Variants in ANXA1 observed in about 807,000 individuals in gnomAD.
ANXA1 encodes annexin A1, also known as annexin I (lipocortin I).
A neutral mutation model predicts 47.9 loss-of-function variants in ANXA1; 39 were observed. That is an observed-to-expected ratio of 0.81 (90% CI 0.63 to 1.06). The LOEUF (loss-of-function observed/expected upper bound fraction) is 1.06. ANXA1 is among the 50% of genes least tolerant of loss of function. The pLI is 0.00. For synonymous variants in ANXA1, 146 were observed against 142.5 expected, an observed-to-expected ratio of 1.02 and a Z score of -0.17; for missense variants, 446 against 422.7, an observed-to-expected ratio of 1.06 and a Z score of -0.48.
chr9:73,167,452 T>C (rs748458922), intron 10 of ANXA1, 45 bp from the exon 11 acceptor site: 10 of 1,571,242 alleles, frequency 6.4e-6, no homozygotes, highest in Non-Finnish European at 7.9e-6. Flanking sequence ...GATATTTCAT[T>C]TTTTTCATGG....
chr9:73,166,809 A>G (rs988327255), intron 10 of ANXA1, among the ~76,000 whole-genome samples: 4 of 152,112 alleles, frequency 2.6e-5, no homozygotes, highest in Non-Finnish European at 4.4e-5. Context: ...TTTTCTAACA[A>G]GCTCCCCATT....
chr9:73,156,815 T>C (rs1274704594), intron 1 of ANXA1, among the ~76,000 whole-genome samples: 1 of 152,164 alleles, frequency 6.6e-6, no homozygotes, highest in Non-Finnish European at 1.5e-5. Context: ...GAGTAGTCTC[T>C]AGAGGGGTGA....
At chr9:73,167,577 T>C in intron 11 of ANXA1, 22 bp downstream of exon 11, 1 of 1,599,746 alleles carries the variant, frequency 6.3e-7, no homozygotes, top group Non-Finnish European at 8.5e-7. Flanking sequence ...TCTACTTATA[T>C]GTCCTGCTTA....
chr9:73,162,882 G>T, intron 7 of ANXA1, 21 bp downstream of exon 7: 1 of 1,574,444 alleles, frequency 6.4e-7, no homozygotes, highest in Non-Finnish European at 8.7e-7. Flanking sequence ...GATACTTTAG[G>T]AAATGCCTCT....
At chr9:73,165,047 G>T (rs1328884952) in intron 8 of ANXA1, 69 bp from the exon 9 acceptor site, 2 of 1,255,866 alleles carry the variant, frequency 1.6e-6, no homozygotes, top group African/African-American at 3.0e-5. Flanking sequence ...TCTTTGACAA[G>T]GTCTAACATT....
chr9:73,168,624 G>C (rs1187097275), intron 11 of ANXA1: 1 of 155,788 alleles, frequency 6.4e-6, no homozygotes, highest in Admixed American at 6.3e-5. Flanking sequence ...GATATTGTAA[G>C]CCTTGAAAAA....
chr9:73,161,926 C>A (rs972966915), intron 6 of ANXA1, among the ~76,000 whole-genome samples: 1 of 151,958 alleles, frequency 6.6e-6, no homozygotes, highest in African/African-American at 2.4e-5. Flanking sequence ...ATATCTGAGA[C>A]CAAGTAATGT....
At chr9:73,154,421 T>TTTTTC (rs1235902368) in intron 1 of ANXA1, 138 of 1,223,546 alleles carry the variant, frequency 1.1e-4, no homozygotes, top group Non-Finnish European at 1.3e-4. Flanking sequence ...TTTCTTTTCT[T>TTTTTC]TTTTCTTTTC....
intron 12 of ANXA1, 105 bp downstream of exon 12, chr9:73,169,259 G>T: frequency 8.0e-7 from 1 of 1,257,464 alleles, no homozygotes; most frequent in Non-Finnish European, 1.1e-6. Flanking sequence ...TAATATGTAA[G>T]ATTAATTTAA....
In ANXA1 at chr9:73,166,173, G is replaced by A. The variant is rs763963884; in HGVS notation, c.783G>A (p.Glu261=). Residue 261 remains glutamate (E), a synonymous_variant, in exon 10 of 13, where the codon GAG becomes GAA. Transcript: ENST00000257497. ...ACCTGGAGTTGAAAGGTGACATTGA[G>A]AAATGCCTCACAGCTATCGGTATGT... ...VLDLELKGDI[E]KCLTAIVKCA... is the part of the protein sequence containing the mutation. 1.2e-6 allele frequency: 2 copies of A among 1,611,864 alleles called. No homozygotes were observed. Among genetic ancestry groups the A allele is most frequent in the East Asian group, 2.2e-5 (1 of 44,798 alleles).
rs567656953 is a variant in ANXA1, at chr9:73,165,164, T to G, written c.661T>G (p.Phe221Val). Reference protein sequence around the residue: ...ERRKGTDVNVFNTILTTRSYP... With the variant: ...ERRKGTDVNVVNTILTTRSYP... ...GAGAAAGGGGACAGACGTAAACGTG[T>G]TCAATACCATCCTTACCACCAGAAG... Residue 221 changes from phenylalanine to valine, a missense_variant, in exon 9 of 13, where the codon TTC becomes GTC. Transcript: ENST00000257497. 1 of 1,612,854 alleles carries G rather than the reference T, an allele frequency of 6.2e-7. No homozygotes were observed. The highest frequency in any genetic ancestry group is 8.5e-7 in the Non-Finnish European group (1 of 1,179,154).
chr9:73,163,801 T>A lies in ANXA1; in HGVS notation c.612+269T>A, dbSNP rs182936671. 4.6e-5 allele frequency among the ~76,000 whole-genome samples: 7 copies of A among 152,306 alleles called. No individual in the cohort carries two copies. In the East Asian group the frequency reaches 1.3e-3, roughly 29 times the overall value. On this transcript the variant is annotated intron_variant, in intron 8 of 12. Coordinates refer to ENST00000257497, the MANE Select transcript of ANXA1 (RefSeq NM_000700.3). ...TGATTTGTCATTCCCAAGAATTGTT[T>A]GTTAAAAAAAACTCTGACCTTTCGT...
chr9:73,159,382 C>A lies in ANXA1; in HGVS notation c.229C>A (p.Arg77Ser). Residue 77 changes from arginine (R) to serine (S), a missense_variant, in exon 4 of 13, where the codon CGT becomes AGT. Arg to Ser is a moderately radical substitution (Grantham distance 110). Transcript: ENST00000257497. ...DILTKRNNAQRQQIKAAYLQE... is the reference protein window; with the variant it reads ...DILTKRNNAQSQQIKAAYLQE... ...TCTAACTAAGCGAAACAATGCACAG[C>A]GTCAACAGATCAAAGCAGCATATCT... 6.2e-7 allele frequency: 1 copy of A among 1,613,092 alleles called. No individual in the cohort carries two copies. The highest frequency in any genetic ancestry group is 8.5e-7 in the Non-Finnish European group (1 of 1,179,412).
chr9:73,155,393 C>T (rs934601138), intron 1 of ANXA1, among the ~76,000 whole-genome samples: 28 of 152,036 alleles, frequency 1.8e-4, no homozygotes, highest in African/African-American at 6.8e-4. Flanking sequence ...AAAAGAAAAC[C>T]TTTCATGAAC....
At chr9:73,158,282 G>T in intron 1 of ANXA1, 1 of 426,792 alleles carries the variant, frequency 2.3e-6, no homozygotes, top group Non-Finnish European at 4.3e-6. Context: ...ATTTAGAACT[G>T]AATATGCCAA....
intron 1 of ANXA1, among the ~76,000 whole-genome samples, chr9:73,153,069 G>C (rs1823995802): frequency 6.6e-6 from 1 of 152,162 alleles, no homozygotes; most frequent in African/African-American, 2.4e-5. Flanking sequence ...GTAAAATGTT[G>C]GTTTCATAAT....
chr9:73,152,401 T>C (rs1287733509), intron 1 of ANXA1, among the ~76,000 whole-genome samples: 1 of 152,238 alleles, frequency 6.6e-6, no homozygotes, highest in African/African-American at 2.4e-5. Context: ...TAATTTATTT[T>C]CTTCTTTTGT....
Position 73,160,899 on chromosome 9 carries a change from T to C in ANXA1, c.475+6T>C, listed in dbSNP as rs1276725822. On this transcript the variant is annotated splice_donor_region_variant and intron_variant, in intron 6 of 12. Coordinates refer to ENST00000257497, the MANE Select transcript of ANXA1 (RefSeq NM_000700.3). Reference sequence around the variant, plus strand: ...TAACAGGGTCTACAGAGAGGGTAAGTTGTAATGTCCAACAGTCCAAACGCC... The same window carrying C: ...TAACAGGGTCTACAGAGAGGGTAAGCTGTAATGTCCAACAGTCCAAACGCC... 1.9e-6 allele frequency: 3 copies of C among 1,588,784 alleles called. No homozygotes were observed. The highest frequency in any genetic ancestry group is 1.1e-5 in the South Asian group (1 of 90,042).
At position 73,158,787 on chromosome 9, in the gene ANXA1, G is replaced by A; in HGVS notation, c.159G>A (p.Lys53=). The change falls in exon 3 of 13, where the codon AAG becomes AAA. Residue 53 remains lysine, a synonymous_variant. Transcript: ENST00000257497. ...CCTCGGATGTCGCTGCCTTGCATAA[G>A]GCCATAATGGTTAAAGGTAACGTGT... ...NPSSDVAALH[K]AIMVKGVDEA... 1 of 1,613,626 alleles carries A rather than the reference G, an allele frequency of 6.2e-7. No individual in the cohort carries two copies. Among genetic ancestry groups the A allele is most frequent in the Non-Finnish European group, 8.5e-7 (1 of 1,179,702 alleles).
Sources: allele counts gnomAD v4.1 joint callset (sites outside exome capture counted in the v4.1 genomes callset), GRCh38; gene constraint gnomAD v4.1.1; transcripts MANE v1.5; gene names NCBI Gene and HGNC (gene_info 2026-07-23, HGNC 2026-07-21).